The following CCDC178 variants were observed in gnomAD, a reference collection of about 807,000 sequenced individuals.
The protein encoded by CCDC178 is coiled-coil domain-containing protein 178.
CCDC178 carries 126 observed loss-of-function variants against 117.4 expected under a neutral mutation model. The observed-to-expected ratio is 1.07, with a 90% CI of 0.93 to 1.24. The LOEUF (loss-of-function observed/expected upper bound fraction) is 1.24. Ranked by LOEUF, CCDC178 falls within the 50% of genes most tolerant of loss-of-function variation. The pLI, the probability that CCDC178 is intolerant of heterozygous loss-of-function variation, is 0.00. For synonymous variants in CCDC178, 283 were observed against 313.4 expected, an observed-to-expected ratio of 0.90 and a Z score of 1.02; for missense variants, 1,030 against 986.9, an observed-to-expected ratio of 1.04 and a Z score of -0.59.
intron 20 of CCDC178, among the ~76,000 whole-genome samples, chr18:33,156,223 G>C (rs559882942): frequency 6.6e-6 from 1 of 151,300 alleles, no homozygotes; most frequent in Non-Finnish European, 1.5e-5. Flanking sequence ...CGAGTAGCTG[G>C]GATTAAAGGC....
intron 21 of CCDC178, among the ~76,000 whole-genome samples, chr18:33,083,483 C>A (rs2057329691): frequency 3.3e-5 from 5 of 152,166 alleles, no homozygotes; most frequent in Admixed American, 2.0e-4. Flanking sequence ...TAGATATTAT[C>A]ATTGTAAGAT....
intron 2 of CCDC178, among the ~76,000 whole-genome samples, chr18:33,417,881 CA>C (rs2063968372): frequency 6.6e-6 from 1 of 152,018 alleles, no homozygotes; most frequent in Admixed American, 6.6e-5. Context: ...AGCCCAGTAC[CA>C]GAGAGATTCA....
chr18:33,367,403 C>T (rs1375189840), intron 6 of CCDC178, among the ~76,000 whole-genome samples: 2 of 152,032 alleles, frequency 1.3e-5, no homozygotes, highest in Non-Finnish European at 2.9e-5. Context: ...ATATTAGATG[C>T]TATTAGCTTT....
At chr18:33,289,649 T>A (rs1448469719) in intron 12 of CCDC178, among the ~76,000 whole-genome samples, 1 of 151,926 alleles carries the variant, frequency 6.6e-6, no homozygotes, top group Non-Finnish European at 1.5e-5. Context: ...AACAAAACTT[T>A]TTTAAAAAAA....
intron 14 of CCDC178, among the ~76,000 whole-genome samples, chr18:33,256,302 T>C (rs1018613126): frequency 1.3e-5 from 2 of 151,958 alleles, no homozygotes; most frequent in Admixed American, 6.6e-5. Context: ...AGAAAAAAGA[T>C]AGTGAATAAA....
intron 21 of CCDC178, among the ~76,000 whole-genome samples, chr18:33,037,111 A>G (rs1337195724): frequency 1.3e-5 from 2 of 151,940 alleles, no homozygotes; most frequent in Non-Finnish European, 2.9e-5. Context: ...CACACATATA[A>G]GCATCGACTA....
intron 20 of CCDC178, among the ~76,000 whole-genome samples, chr18:33,123,989 G>A (rs921250851): frequency 3.3e-5 from 5 of 152,044 alleles, no homozygotes; most frequent in Non-Finnish European, 7.4e-5. Context: ...AAAACAGAAC[G>A]GCACTAAACT....
At chr18:33,199,742 G>C (rs1233918010) in intron 20 of CCDC178, among the ~76,000 whole-genome samples, 1 of 152,104 alleles carries the variant, frequency 6.6e-6, no homozygotes. Context: ...TATTATTAAA[G>C]ATTTCCTGAA....
In CCDC178 at chr18:33,033,633, G is replaced by C. The variant is rs1765324521; in HGVS notation, c.2389-58952C>G. Among the ~76,000 whole-genome samples the C allele has an allele frequency of 1.1e-4, 17 of 152,098 alleles. 1 individual carries two copies. In the South Asian group the frequency reaches 3.5e-3, roughly 32 times the overall value. ...CAAAGACATAACTCCCTTCAACCTAGAATCCTTTCTAGCAGTCAACCCGAC... is the reference window on the plus strand; with the variant it reads ...CAAAGACATAACTCCCTTCAACCTACAATCCTTTCTAGCAGTCAACCCGAC... On this transcript the variant is annotated intron_variant, in intron 21 of 22. Transcript: ENST00000383096.
intron 11 of CCDC178, among the ~76,000 whole-genome samples, chr18:33,303,708 A>G (rs1458114949): frequency 6.6e-6 from 1 of 152,176 alleles, no homozygotes; most frequent in Non-Finnish European, 1.5e-5. Context: ...AAAAAAATCT[A>G]AAAGAAGATA....
intron 21 of CCDC178, among the ~76,000 whole-genome samples, chr18:33,023,833 A>G (rs1321312879): frequency 6.6e-6 from 1 of 152,198 alleles, no homozygotes. Flanking sequence ...CAATAAAATT[A>G]GCAAACTTCT....
At chr18:33,144,342 C>T (rs1309219026) in intron 20 of CCDC178, among the ~76,000 whole-genome samples, 2 of 152,014 alleles carry the variant, frequency 1.3e-5, no homozygotes, top group Non-Finnish European at 2.9e-5. Flanking sequence ...TACATACCTG[C>T]TCCTTCTAGG....
intron 20 of CCDC178, among the ~76,000 whole-genome samples, chr18:33,119,685 G>A (rs914410410): frequency 1.3e-5 from 2 of 152,136 alleles, no homozygotes; most frequent in African/African-American, 4.8e-5. Context: ...CCATTACTGG[G>A]TATATACCCA....
rs552214594 is a variant in CCDC178, at chr18:32,991,387, GA to G, written c.2389-16707del. Among the ~76,000 whole-genome samples, 266 of 152,204 alleles carry G rather than the reference GA, an allele frequency of 1.7e-3. 2 individuals are homozygous for G. Among genetic ancestry groups the G allele is most frequent in the African/African-American group, 6.1e-3 (255 of 41,530 alleles). On this transcript the variant is annotated intron_variant, in intron 21 of 22. Coordinates refer to ENST00000383096, the MANE Select transcript of CCDC178 (RefSeq NM_001105528.4). ...CTAATGACATTTACAACCTGTGGGGGAAACTGGACTTCACCAGTAAGGATTC... is the reference window on the plus strand; with the variant it reads ...CTAATGACATTTACAACCTGTGGGGGAACTGGACTTCACCAGTAAGGATTC...
intron 6 of CCDC178, among the ~76,000 whole-genome samples, chr18:33,367,943 T>C (rs1256137511): frequency 1.3e-5 from 2 of 152,054 alleles, no homozygotes; most frequent in African/African-American, 2.4e-5. Context: ...AGAATTATCA[T>C]TATTGAAATT....
intron 5 of CCDC178, among the ~76,000 whole-genome samples, chr18:33,382,477 A>T (rs1328501156): frequency 6.6e-6 from 1 of 152,068 alleles, no homozygotes; most frequent in Admixed American, 6.5e-5. Flanking sequence ...TGCATTTCCA[A>T]CTGAGGTACC....
At chr18:33,109,146 C>CT (rs1287782911) in intron 20 of CCDC178, among the ~76,000 whole-genome samples, 1 of 151,660 alleles carries the variant, frequency 6.6e-6, no homozygotes, top group East Asian at 1.9e-4. Flanking sequence ...TACATTACAG[C>CT]TTTTTGTGGG....
chr18:33,028,863 G>C (rs1227862449), intron 21 of CCDC178, among the ~76,000 whole-genome samples: 1 of 151,772 alleles, frequency 6.6e-6, no homozygotes, highest in Non-Finnish European at 1.5e-5. Context: ...GCATACCTAG[G>C]AAAAATCTCA....
At chr18:33,225,628 T>C (rs1276560729) in intron 16 of CCDC178, among the ~76,000 whole-genome samples, 1 of 152,158 alleles carries the variant, frequency 6.6e-6, no homozygotes, top group East Asian at 1.9e-4. Context: ...AACACACTAA[T>C]AACACATCGT....
Sources: gnomAD v4.1 joint callset for allele counts (sites outside exome capture counted in the v4.1 genomes callset) on GRCh38, gnomAD v4.1.1 for gene constraint, MANE v1.5 for transcripts, NCBI Gene and HGNC (gene_info 2026-07-23, HGNC 2026-07-21) for gene names.